GRAMD1B: variants seen among roughly 807,000 people sequenced by gnomAD.
The protein encoded by GRAMD1B is GRAM domain containing 1B.
GRAMD1B carries 37 observed loss-of-function variants against 99.7 expected under a neutral mutation model. The ratio of observed to expected loss-of-function variants is 0.37; its 90% confidence interval spans 0.29 to 0.49. GRAMD1B has a LOEUF of 0.49. Ranked by LOEUF, GRAMD1B falls within the 20% of genes least tolerant of loss-of-function variation. The probability of loss-of-function intolerance (pLI) is 0.98; values close to 1 mark genes in which losing one functional copy is unlikely to be tolerated. For missense variants in GRAMD1B, 888 were observed against 1,009.2 expected (o/e 0.88, Z 1.63); for synonymous variants, 427 against 387.6 (o/e 1.10, Z -1.19).
intron 2 of GRAMD1B, among the ~76,000 whole-genome samples, chr11:123,524,662 C>T (rs1371472126): frequency 6.6e-6 from 1 of 152,132 alleles, no homozygotes; most frequent in East Asian, 1.9e-4. Flanking sequence ...ATTGGTTTTT[C>T]TCACTTTAGA....
Position 123,591,178 on chromosome 11 carries a change from G to A in GRAMD1B, c.685-2904G>A, listed in dbSNP as rs1013572670. The A allele has an allele frequency of 1.4e-5, 5 of 367,852 alleles. No individual in the cohort carries two copies. Among genetic ancestry groups the A allele is most frequent in the African/African-American group, 8.3e-5 (4 of 47,990 alleles). 22.8% of individuals were successfully genotyped at this position (367,852 alleles called of 1,614,324 possible). A position where few individuals can be genotyped will look rare whatever the true frequency, so the allele number is the denominator to read the frequency against. On this transcript the variant is annotated intron_variant, in intron 4 of 19. Transcript: ENST00000635736. The surrounding 1 kb of genome is among the most constrained non-coding windows in gnomAD (Gnocchi z 4.7). ...GCCAGCTTGTCCTGAGAACCACGCT[G>A]ACCACCTCGGCTCACTTGTGAAGCT... is the stretch of plus-strand genomic sequence containing the variant.
intron 2 of GRAMD1B, among the ~76,000 whole-genome samples, chr11:123,517,473 T>C (rs918840332): frequency 6.6e-6 from 1 of 152,188 alleles, no homozygotes; most frequent in Non-Finnish European, 1.5e-5. Context: ...CTTAGTGTCA[T>C]CCGCTCCGCA....
chr11:123,370,312 T>C (rs1946480699), intron 1 of GRAMD1B, among the ~76,000 whole-genome samples: 1 of 140,944 alleles, frequency 7.1e-6, no homozygotes, highest in Admixed American at 6.9e-5. Flanking sequence ...CGAGACTCCA[T>C]CTAAAAAAAA....
In GRAMD1B at chr11:123,531,948, T is replaced by G. The variant is rs1436536097; in HGVS notation, c.453-45419T>G. Among the ~76,000 whole-genome samples the G allele has an allele frequency of 7.9e-5, 12 of 152,036 alleles. No homozygotes were observed. In the East Asian group the frequency reaches 2.3e-3, roughly 29 times the overall value. On this transcript the variant is annotated intron_variant, in intron 2 of 19. Coordinates refer to ENST00000635736, the MANE Select transcript of GRAMD1B (RefSeq NM_001387025.1). Reference sequence around the variant, plus strand: ...GACAGGGTTTCTCTATGTTGGTCAGTCTGGTCTCAAACTCCCAACCTCAGG... The same window carrying G: ...GACAGGGTTTCTCTATGTTGGTCAGGCTGGTCTCAAACTCCCAACCTCAGG...
intron 2 of GRAMD1B, among the ~76,000 whole-genome samples, chr11:123,483,213 G>A (rs967985758): frequency 1.3e-5 from 2 of 152,064 alleles, no homozygotes; most frequent in African/African-American, 2.4e-5. Flanking sequence ...TTTTCTATCT[G>A]AGAACTGAGA....
At position 123,421,633 on chromosome 11, in the gene GRAMD1B, AT is replaced by A. The variant is rs1298261025; in HGVS notation, c.-175-59178del. Among the ~76,000 whole-genome samples, 8 of 152,304 alleles carry A rather than the reference AT, an allele frequency of 5.3e-5. No homozygotes were observed. In the East Asian group the frequency reaches 1.5e-3, roughly 29 times the overall value. The stretch of plus-strand genomic sequence containing the variant: ...AATTCTGTCACCTGAAGAAGGTGAT[AT>A]TTTTACTGCTTATAAAAATTTCCAA... On this transcript the variant is annotated intron_variant, in intron 1 of 20. Transcript: ENST00000638157.
chr11:123,470,314 A>T (rs1010847840), intron 1 of GRAMD1B, among the ~76,000 whole-genome samples: 4 of 152,198 alleles, frequency 2.6e-5, no homozygotes, highest in Non-Finnish European at 5.9e-5. Context: ...GAAGACAGTT[A>T]CTACTTACAA....
chr11:123,609,026 A>G (rs1953148618), intron 12 of GRAMD1B, among the ~76,000 whole-genome samples: 1 of 149,732 alleles, frequency 6.7e-6, no homozygotes, highest in South Asian at 2.1e-4. Context: ...ACCCTTTCCC[A>G]CTACACACCA....
chr11:123,424,208 G>A (rs866198953), intron 1 of GRAMD1B, among the ~76,000 whole-genome samples: 10 of 147,474 alleles, frequency 6.8e-5, no homozygotes, highest in African/African-American at 1.8e-4. Context: ...TGTCACCAGA[G>A]TTGATGCTTC....
At chr11:123,437,397 C>G (rs1054859893) in intron 1 of GRAMD1B, among the ~76,000 whole-genome samples, 5 of 152,174 alleles carry the variant, frequency 3.3e-5, no homozygotes, top group Non-Finnish European at 7.3e-5. Flanking sequence ...CTTGTCATCA[C>G]TCTCTGGAGG....
chr11:123,469,715 CTTTCTTTCTTTT>C lies in GRAMD1B; in HGVS notation c.375-11089_375-11078del, dbSNP rs1160825365. On this transcript the variant is annotated intron_variant, in intron 1 of 19. Transcript: ENST00000635736. ...CTTTCCCTTTCTCTTTCTTTTCTTT[CTTTCTTTCTTTT>C]TTTCTTTCTTTCTCTTTCTTTCTTT... 1.5e-3 allele frequency among the ~76,000 whole-genome samples: 219 copies of C among 150,482 alleles called. 3 individuals are homozygous for C. The highest frequency in any genetic ancestry group is 5.0e-3 in the African/African-American group (205 of 40,904).
chr11:123,495,132 C>CACACACAG (rs1204927946), intron 2 of GRAMD1B, among the ~76,000 whole-genome samples: 1 of 151,640 alleles, frequency 6.6e-6, no homozygotes, highest in Non-Finnish European at 1.5e-5. Context: ...CACACACACA[C>CACACACAG]ACACACAGAC....
At chr11:123,377,530 C>T (rs767003061) in intron 1 of GRAMD1B, among the ~76,000 whole-genome samples, 3 of 152,126 alleles carry the variant, frequency 2.0e-5, no homozygotes, top group African/African-American at 7.2e-5. Flanking sequence ...AGGAAGCCAG[C>T]GCCAGGCCTG....
chr11:123,495,239 A>G (rs950235849), intron 2 of GRAMD1B, among the ~76,000 whole-genome samples: 3 of 152,148 alleles, frequency 2.0e-5, no homozygotes, highest in Admixed American at 6.5e-5. Flanking sequence ...AGATGGAATA[A>G]ACATAAATAT....
intron 1 of GRAMD1B, among the ~76,000 whole-genome samples, chr11:123,424,163 C>G (rs1423836274): frequency 6.6e-6 from 1 of 151,616 alleles, no homozygotes; most frequent in African/African-American, 2.4e-5. Flanking sequence ...TTTTATGGTT[C>G]CCATCTGCTT....
chr11:123,595,285 A>AT (rs11408764), intron 6 of GRAMD1B, among the ~76,000 whole-genome samples: 73,099 of 146,566 alleles, frequency 0.5, 18,297 homozygotes, highest in East Asian at 0.8. Context: ...TAACTAGATG[A>AT]TTTTTTTTTT....
chr11:123,442,348 C>T (rs949713755), intron 1 of GRAMD1B, among the ~76,000 whole-genome samples: 9 of 152,116 alleles, frequency 5.9e-5, no homozygotes, highest in Non-Finnish European at 1.2e-4. Flanking sequence ...TTTTAGGGTT[C>T]GATTAATTTA....
intron 2 of GRAMD1B, among the ~76,000 whole-genome samples, chr11:123,549,671 C>A (rs1048045738): frequency 6.6e-5 from 10 of 152,164 alleles, no homozygotes; most frequent in Admixed American, 2.6e-4. Context: ...GAGCTACATC[C>A]ATGGTCACGC....
chr11:123,467,041 T>G (rs2134589581), intron 1 of GRAMD1B, among the ~76,000 whole-genome samples: 1 of 152,326 alleles, frequency 6.6e-6, no homozygotes, highest in East Asian at 1.9e-4. Flanking sequence ...ATTATTTTAA[T>G]TATGTGTGGT....
Sources: gnomAD v4.1 joint callset for allele counts (sites outside exome capture counted in the v4.1 genomes callset) on GRCh38, gnomAD v4.1.1 for gene constraint, Gnocchi (gnomAD v3.1) non-coding constraint, MANE v1.5 for transcripts, NCBI Gene and HGNC (gene_info 2026-07-23, HGNC 2026-07-21) for gene names.